The following PRMT3 variants were observed in gnomAD, a reference collection of about 807,000 sequenced individuals.
PRMT3 encodes the protein protein arginine methyltransferase 3.
PRMT3 carries 62 observed loss-of-function variants against 71.9 expected under a neutral mutation model. That is an observed-to-expected ratio of 0.86 (90% confidence interval 0.70 to 1.07). The LOEUF is 1.07. Among genes scored for constraint, PRMT3 ranks in the 50% least tolerant of loss-of-function variants. The pLI, the probability that PRMT3 is intolerant of heterozygous loss-of-function variation, is 0.00. For synonymous variants in PRMT3, 213 were observed against 220.4 expected (o/e 0.97, Z 0.30); for missense variants, 663 against 643.0 (o/e 1.03, Z -0.34).
intron 13 of PRMT3, among the ~76,000 whole-genome samples, chr11:20,472,513 TG>T (rs1850671048): frequency 6.6e-6 from 1 of 152,196 alleles, no homozygotes; most frequent in Non-Finnish European, 1.5e-5. Context: ...TGATTCCATA[TG>T]TTCAACCAAT....
intron 10 of PRMT3, among the ~76,000 whole-genome samples, chr11:20,429,886 A>G (rs1849619821): frequency 6.6e-6 from 1 of 152,208 alleles, no homozygotes; most frequent in African/African-American, 2.4e-5. Flanking sequence ...TGTGGATTGG[A>G]AATATCATTT....
chr11:20,395,875 T>G lies in PRMT3; in HGVS notation c.473T>G (p.Val158Gly), dbSNP rs1848814049. Reference sequence around the variant, plus strand: ...AATGGACTCAGTGAAAATACATCTGTTGTTGAAAAATTGAAACATATGGAA... The same window carrying G: ...AATGGACTCAGTGAAAATACATCTGGTGTTGAAAAATTGAAACATATGGAA... ...YPNGLSENTS[V>G]VEKLKHMEAR... Residue 158 changes from valine to glycine, a missense_variant, in exon 6 of 16, where the codon GTT becomes GGT. Coordinates refer to ENST00000331079, the MANE Select transcript of PRMT3 (RefSeq NM_005788.4). The G allele has an allele frequency of 1.9e-6, 3 of 1,614,170 alleles. No individual in the cohort carries two copies. The highest frequency in any genetic ancestry group is 2.5e-6 in the Non-Finnish European group (3 of 1,180,018).
At chr11:20,402,851 A>G in intron 7 of PRMT3, 68 bp from the exon 8 acceptor site, 2 of 1,258,416 alleles carry the variant, frequency 1.6e-6, no homozygotes, top group Non-Finnish European at 2.3e-6. Context: ...TATGGCAAAT[A>G]TCTCCCTTAA....
At chr11:20,447,927 G>A (rs993270416) in intron 10 of PRMT3, among the ~76,000 whole-genome samples, 1 of 152,036 alleles carries the variant, frequency 6.6e-6, no homozygotes, top group African/African-American at 2.4e-5. Context: ...CACTCAGGAA[G>A]AAGAAAACAC....
chr11:20,442,608 A>G (rs888110871), intron 10 of PRMT3, among the ~76,000 whole-genome samples: 22 of 152,286 alleles, frequency 1.4e-4, no homozygotes, highest in Middle Eastern at 3.4e-3. Context: ...TCATTATTCT[A>G]TAGAGATATT....
chr11:20,475,879 T>C (rs1850770491), intron 13 of PRMT3, among the ~76,000 whole-genome samples: 1 of 151,720 alleles, frequency 6.6e-6, no homozygotes, highest in African/African-American at 2.4e-5. Context: ...TTTCACCATA[T>C]TGGCCAGGCT....
intron 15 of PRMT3, among the ~76,000 whole-genome samples, chr11:20,505,865 CAAAAA>C (rs11309284): frequency 1.4e-5 from 2 of 141,174 alleles, no homozygotes; most frequent in Non-Finnish European, 3.1e-5. Context: ...ATATTTTTAC[CAAAAA>C]AAAAAAACAA....
chr11:20,424,942 A>G (rs75607507), intron 9 of PRMT3, among the ~76,000 whole-genome samples: 4,365 of 152,150 alleles, frequency 0.029, 214 homozygotes, highest in African/African-American at 0.098. Flanking sequence ...CATCTCTACA[A>G]AGAACACAAA....
chr11:20,403,459 A>G (rs916173908), intron 8 of PRMT3, among the ~76,000 whole-genome samples: 2 of 152,088 alleles, frequency 1.3e-5, no homozygotes, highest in Non-Finnish European at 2.9e-5. Context: ...TACTTTATTT[A>G]CCCCATTTAG....
chr11:20,407,878 T>G, intron 8 of PRMT3, 33 bp from the exon 9 acceptor site: 1 of 1,567,254 alleles, frequency 6.4e-7, no homozygotes, highest in Non-Finnish European at 8.7e-7. Context: ...TGATAACATC[T>G]GTTTTGTTTT....
rs115773429 is a variant in PRMT3, at chr11:20,389,684, G to A, written c.165-60G>A. 2,066 of 1,152,776 alleles carry A rather than the reference G, an allele frequency of 1.8e-3. 38 individuals are homozygous for A. The African/African-American group carries it at 0.028, about 16-fold the overall frequency. 71.4% of individuals were successfully genotyped at this position (1,152,776 alleles called of 1,614,324 possible). A position where few individuals can be genotyped will look rare whatever the true frequency, so the allele number is the denominator to read the frequency against. On this transcript the variant is annotated intron_variant, in intron 2 of 15. Coordinates refer to ENST00000331079, the MANE Select transcript of PRMT3 (RefSeq NM_005788.4). ...AAAAAAAAAAGTGTATATGTAACATGAAATCAGTATTTAGACTTCTTAGGG... is the reference window on the plus strand; with the variant it reads ...AAAAAAAAAAGTGTATATGTAACATAAAATCAGTATTTAGACTTCTTAGGG...
At chr11:20,404,241 T>G (rs367857052) in intron 8 of PRMT3, among the ~76,000 whole-genome samples, 21 of 112,240 alleles carry the variant, frequency 1.9e-4, no homozygotes, top group Admixed American at 1.0e-3. Context: ...TTTTTTTTTT[T>G]TTTTTTTTTT....
intron 8 of PRMT3, chr11:20,406,728 T>C (rs1849079736): frequency 6.6e-6 from 1 of 152,284 alleles, no homozygotes; most frequent in Non-Finnish European, 1.5e-5. Context: ...CACTGTGCTG[T>C]TTTTCACAGT....
intron 15 of PRMT3, among the ~76,000 whole-genome samples, chr11:20,500,651 A>C (rs1053645824): frequency 1.9e-4 from 29 of 152,196 alleles, no homozygotes; most frequent in African/African-American, 6.8e-4. Context: ...GATCTTTTGA[A>C]ATGGTGCTAG....
chr11:20,462,958 C>G (rs1047838057), intron 12 of PRMT3, among the ~76,000 whole-genome samples: 2 of 152,042 alleles, frequency 1.3e-5, no homozygotes, highest in African/African-American at 4.8e-5. Flanking sequence ...CTCCGCCTCC[C>G]GTGTTCAAGC....
chr11:20,412,536 A>G (rs1018776237), intron 9 of PRMT3, among the ~76,000 whole-genome samples: 1 of 151,722 alleles, frequency 6.6e-6, no homozygotes, highest in Middle Eastern at 3.2e-3. Flanking sequence ...TCAATTTTTC[A>G]CGATTTTTTT....
chr11:20,494,014 T>C (rs769379306), intron 14 of PRMT3, 45 bp downstream of exon 14: 1 of 1,490,112 alleles, frequency 6.7e-7, no homozygotes, highest in East Asian at 2.3e-5. Context: ...ATTACAGAAG[T>C]ACATTATATT....
intron 11 of PRMT3, among the ~76,000 whole-genome samples, chr11:20,454,469 A>G (rs1850223046): frequency 6.6e-6 from 1 of 152,218 alleles, no homozygotes; most frequent in Non-Finnish European, 1.5e-5. Context: ...ATACTTTTAT[A>G]TAGCTAATAT....
chr11:20,388,238 A>C, intron 2 of PRMT3, 84 bp downstream of exon 2: 1 of 1,583,326 alleles, frequency 6.3e-7, no homozygotes, highest in Non-Finnish European at 8.6e-7. Flanking sequence ...TTCGGGCGGG[A>C]GGCAAGCCAG....
Sources: allele counts gnomAD v4.1 joint callset (sites outside exome capture counted in the v4.1 genomes callset), GRCh38; gene constraint gnomAD v4.1.1; transcripts MANE v1.5; gene names NCBI Gene and HGNC (gene_info 2026-07-23, HGNC 2026-07-21).